ZNF385D: variants seen among roughly 807,000 people sequenced by gnomAD.
ZNF385D encodes zinc finger protein 659.
In ZNF385D, 15 loss-of-function variants were observed where a neutral mutation model predicts 35.8. The ratio of observed to expected loss-of-function variants is 0.42; its 90% CI spans 0.28 to 0.64. The LOEUF is 0.64. ZNF385D is among the 30% of genes least tolerant of loss of function. The pLI, the probability that ZNF385D is intolerant of heterozygous loss-of-function variation, is 0.23. For missense variants in ZNF385D, 474 were observed against 494.6 expected, an observed-to-expected ratio of 0.96 and a Z score of 0.39; for synonymous variants, 212 against 186.8, an observed-to-expected ratio of 1.13 and a Z score of -1.10.
At chr3:21,989,754 G>T (rs565831037) in intron 3 of ZNF385D, among the ~76,000 whole-genome samples, 26 of 151,882 alleles carry the variant, frequency 1.7e-4, no homozygotes, top group African/African-American at 6.0e-4. Flanking sequence ...TCATCTAAGC[G>T]CATTAAAATG....
At chr3:21,879,718 T>C (rs754058591) in intron 3 of ZNF385D, among the ~76,000 whole-genome samples, 12 of 152,132 alleles carry the variant, frequency 7.9e-5, no homozygotes, top group East Asian at 5.8e-4. Flanking sequence ...AGGCGCTTCA[T>C]TGAAAAGGGC....
chr3:22,160,727 G>C (rs576429713), intron 3 of ZNF385D, among the ~76,000 whole-genome samples: 154 of 152,198 alleles, frequency 1.0e-3, no homozygotes, highest in African/African-American at 3.3e-3. Flanking sequence ...AATACTTGCA[G>C]ATAAAGCTGA....
chr3:21,952,040 C>T (rs749402913), intron 3 of ZNF385D, among the ~76,000 whole-genome samples: 4 of 149,626 alleles, frequency 2.7e-5, no homozygotes, highest in Non-Finnish European at 5.9e-5. Context: ...ACAAGACTGT[C>T]TTGAGCAAAG....
At chr3:21,936,843 T>G in intron 3 of ZNF385D, among the ~76,000 whole-genome samples, 1 of 152,302 alleles carries the variant, frequency 6.6e-6, no homozygotes, top group Non-Finnish European at 1.5e-5. Flanking sequence ...GTCTGTAAAC[T>G]TCCTGGGCTT....
intron 2 of ZNF385D, among the ~76,000 whole-genome samples, chr3:22,308,661 T>C (rs982902463): frequency 7.2e-5 from 11 of 152,022 alleles, no homozygotes; most frequent in Non-Finnish European, 1.0e-4. Flanking sequence ...TTAGAGTTTA[T>C]TGATATCAGA....
At chr3:21,940,130 G>A (rs1026743235) in intron 3 of ZNF385D, among the ~76,000 whole-genome samples, 2 of 151,882 alleles carry the variant, frequency 1.3e-5, no homozygotes, top group South Asian at 2.1e-4. Flanking sequence ...TCTTGTTTGC[G>A]TTATTTTATA....
intron 2 of ZNF385D, among the ~76,000 whole-genome samples, chr3:22,327,588 T>C (rs908055442): frequency 6.6e-6 from 1 of 152,198 alleles, no homozygotes; most frequent in African/African-American, 2.4e-5. Flanking sequence ...CAAATCTCCA[T>C]GTAGGTCCAT....
At chr3:22,283,794 G>T (rs1027248133) in intron 2 of ZNF385D, among the ~76,000 whole-genome samples, 2 of 152,104 alleles carry the variant, frequency 1.3e-5, no homozygotes, top group Non-Finnish European at 2.9e-5. Flanking sequence ...ATTTTATTTG[G>T]ATTCCCTGTA....
chr3:22,113,554 C>A (rs965300709), intron 3 of ZNF385D, among the ~76,000 whole-genome samples: 10 of 152,014 alleles, frequency 6.6e-5, no homozygotes, highest in African/African-American at 2.4e-4. Context: ...AGAAAAGTTT[C>A]ATAAAGAACT....
intron 3 of ZNF385D, among the ~76,000 whole-genome samples, chr3:22,057,220 T>G (rs1309713696): frequency 1.3e-5 from 2 of 152,206 alleles, no homozygotes; most frequent in African/African-American, 4.8e-5. Flanking sequence ...TTAATTAAAT[T>G]TTCTCAGCCT....
intron 3 of ZNF385D, among the ~76,000 whole-genome samples, chr3:21,814,173 C>T (rs144338150): frequency 0.072 from 10,981 of 152,224 alleles, 545 homozygotes; most frequent in Non-Finnish European, 0.1. Context: ...ACCAACAGGC[C>T]TGTCTTGCAA....
At chr3:22,316,305 G>T (rs1703881515) in intron 2 of ZNF385D, among the ~76,000 whole-genome samples, 1 of 152,118 alleles carries the variant, frequency 6.6e-6, no homozygotes, top group African/African-American at 2.4e-5. Flanking sequence ...CCTAAATCTT[G>T]GCTGGCCTTG....
chr3:22,247,120 T>C (rs1699826489), intron 2 of ZNF385D, among the ~76,000 whole-genome samples: 1 of 152,122 alleles, frequency 6.6e-6, no homozygotes, highest in Non-Finnish European at 1.5e-5. Context: ...CATCAGGAAG[T>C]AAAACTATAC....
At chr3:21,509,068 G>T (rs1186152833) in intron 4 of ZNF385D, among the ~76,000 whole-genome samples, 1 of 151,166 alleles carries the variant, frequency 6.6e-6, no homozygotes, top group East Asian at 1.9e-4. Context: ...AGCTCCGGGG[G>T]GCTTTTCTTA....
intron 3 of ZNF385D, among the ~76,000 whole-genome samples, chr3:22,100,967 A>C (rs1701909127): frequency 6.6e-6 from 1 of 152,070 alleles, no homozygotes; most frequent in African/African-American, 2.4e-5. Flanking sequence ...ATTTTATTGA[A>C]TATAAATACT....
chr3:21,930,505 A>G (rs1402967873), intron 3 of ZNF385D, among the ~76,000 whole-genome samples: 1 of 152,170 alleles, frequency 6.6e-6, no homozygotes, highest in Non-Finnish European at 1.5e-5. Context: ...ATAAGTATAT[A>G]GAAATGCAAA....
chr3:22,212,360 A>G (rs1436392287), intron 2 of ZNF385D, among the ~76,000 whole-genome samples: 1 of 151,958 alleles, frequency 6.6e-6, no homozygotes, highest in Non-Finnish European at 1.5e-5. Context: ...CTATATTTCC[A>G]TATGCATATG....
At chr3:21,709,577 T>C (rs1046709494) in intron 1 of ZNF385D, among the ~76,000 whole-genome samples, 2 of 152,154 alleles carry the variant, frequency 1.3e-5, no homozygotes, top group Non-Finnish European at 2.9e-5. Flanking sequence ...GTCTTTTCAA[T>C]AGAAGTGACT....
At chr3:22,132,193 G>A (rs1173970488) in intron 3 of ZNF385D, among the ~76,000 whole-genome samples, 1 of 152,052 alleles carries the variant, frequency 6.6e-6, no homozygotes, top group African/African-American at 2.4e-5. Flanking sequence ...AGGATCTTGG[G>A]TCACAAGGGT....
Sources: allele counts gnomAD v4.1 joint callset (sites outside exome capture counted in the v4.1 genomes callset), GRCh38; gene constraint gnomAD v4.1.1; transcripts MANE v1.5; gene names NCBI Gene and HGNC (gene_info 2026-07-23, HGNC 2026-07-21).